The following ADAM10 variants were observed in gnomAD, a reference collection of about 807,000 sequenced individuals.
The protein encoded by ADAM10 is disintegrin and metalloproteinase domain-containing protein 10.
In ADAM10, 17 loss-of-function variants were observed where a neutral mutation model predicts 90.1. That is an observed-to-expected ratio of 0.19 (90% CI 0.13 to 0.28). The LOEUF is 0.28. Among genes scored for constraint, ADAM10 ranks in the 10% least tolerant of loss-of-function variants. ADAM10 has a pLI of 1.00. For synonymous variants in ADAM10, 310 were observed against 298.6 expected (o/e 1.04, Z -0.40); for missense variants, 610 against 914.3 (o/e 0.67, Z 4.29).
At position 58,593,138 on chromosome 15, in the gene ADAM10, C is replaced by T. The variant is rs1894860861; in HGVS notation, c.*4409G>A. The T allele has an allele frequency of 7.7e-6, 1 of 130,498 alleles. No homozygotes were observed. The highest frequency in any genetic ancestry group is 1.6e-5 in the Non-Finnish European group (1 of 63,046). The allele number at this position is 130,498 out of a possible 1,614,324, so 8.1% of individuals were successfully genotyped here. On this transcript the variant is annotated 3_prime_UTR_variant, in exon 16 of 16. Coordinates refer to ENST00000260408, the MANE Select transcript of ADAM10 (RefSeq NM_001110.4). The stretch of plus-strand genomic sequence containing the variant: ...CACATAGAAAAAAAGTAACAAAGGC[C>T]AGGTACTCAAATTTTTTTTTTTTTT...
intron 2 of ADAM10, among the ~76,000 whole-genome samples, chr15:58,695,720 G>A (rs1490171644): frequency 2.0e-5 from 3 of 152,120 alleles, no homozygotes; most frequent in African/African-American, 7.2e-5. Context: ...GCACGGTATT[G>A]GTGGTAATCC....
Position 58,665,107 on chromosome 15 carries a change from TCCTCTACACCA to T in ADAM10, c.564_574del (p.Gly189SerfsTer12), listed in dbSNP as rs1389313150. ...TGTTAAAATCCTTACCTGTGTTACT[TCCTCTACACCA>T]GTCATCTGGTATTTCCTCATTCTTT... is the stretch of plus-strand genomic sequence containing the variant. On this transcript the variant is annotated frameshift_variant, in exon 5 of 16. Coordinates refer to ENST00000260408, the MANE Select transcript of ADAM10 (RefSeq NM_001110.4). LOFTEE classifies it high-confidence loss of function. 2 of 1,610,526 alleles carry T rather than the reference TCCTCTACACCA, an allele frequency of 1.2e-6. No individual in the cohort carries two copies. The highest frequency in any genetic ancestry group is 1.7e-6 in the Non-Finnish European group (2 of 1,176,918).
chr15:58,661,100 T>C (rs1241682406), intron 5 of ADAM10, among the ~76,000 whole-genome samples: 1 of 152,280 alleles, frequency 6.6e-6, no homozygotes, highest in African/African-American at 2.4e-5. Flanking sequence ...CTTCTTTCTC[T>C]TGTCCTTTGC....
chr15:58,599,750 GAAAAA>G, intron 14 of ADAM10, 26 bp from the exon 15 acceptor site: 1 of 1,429,896 alleles, frequency 7.0e-7, no homozygotes, highest in Non-Finnish European at 9.5e-7. Context: ...TTTTTCCACT[GAAAAA>G]AAAAAAACTA....
chr15:58,611,589 G>A, intron 12 of ADAM10: 1 of 530,916 alleles, frequency 1.9e-6, no homozygotes, highest in Non-Finnish European at 3.3e-6. Flanking sequence ...GTACAACTAT[G>A]TTTCTCTAGA....
At chr15:58,741,867 A>C (rs1367717602) in intron 1 of ADAM10, among the ~76,000 whole-genome samples, 1 of 152,214 alleles carries the variant, frequency 6.6e-6, no homozygotes, top group Non-Finnish European at 1.5e-5. Context: ...GGCCTAGAAT[A>C]ATCAGTCCTG....
At chr15:58,642,503 T>C (rs1296510902) in intron 7 of ADAM10, among the ~76,000 whole-genome samples, 2 of 152,080 alleles carry the variant, frequency 1.3e-5, no homozygotes, top group Non-Finnish European at 2.9e-5. Context: ...TTTAATTACC[T>C]ATATTTAAAT....
At chr15:58,711,296 C>T (rs1340155928) in intron 2 of ADAM10, among the ~76,000 whole-genome samples, 2 of 152,110 alleles carry the variant, frequency 1.3e-5, no homozygotes, top group East Asian at 1.9e-4. Flanking sequence ...AATACACAGG[C>T]AGAAAAATAT....
At chr15:58,668,353 T>G (rs1414916927) in intron 4 of ADAM10, among the ~76,000 whole-genome samples, 1 of 152,190 alleles carries the variant, frequency 6.6e-6, no homozygotes, top group Non-Finnish European at 1.5e-5. Flanking sequence ...TAACTTTAAG[T>G]GACCATTATT....
At chr15:58,721,277 A>G (rs1898842986) in intron 1 of ADAM10, among the ~76,000 whole-genome samples, 1 of 152,204 alleles carries the variant, frequency 6.6e-6, no homozygotes, top group African/African-American at 2.4e-5. Context: ...ATTGAGATAG[A>G]ACATGATTCA....
chr15:58,698,785 C>T (rs1898050909), intron 2 of ADAM10, among the ~76,000 whole-genome samples: 1 of 152,024 alleles, frequency 6.6e-6, no homozygotes, highest in African/African-American at 2.4e-5. Flanking sequence ...ACACAGCATA[C>T]ATGACATGTA....
intron 5 of ADAM10, among the ~76,000 whole-genome samples, chr15:58,654,791 T>G (rs1896769577): frequency 6.6e-6 from 1 of 152,234 alleles, no homozygotes; most frequent in African/African-American, 2.4e-5. Context: ...TCCATGTGAT[T>G]GTATAGTTTC....
intron 14 of ADAM10, among the ~76,000 whole-genome samples, chr15:58,603,874 G>A (rs1262005230): frequency 2.8e-5 from 3 of 107,612 alleles, no homozygotes; most frequent in African/African-American, 3.8e-5. Flanking sequence ...GGGGTCCAGG[G>A]TTAAAAAAAA....
In ADAM10 at chr15:58,599,679, G is replaced by C; in HGVS notation, c.2071C>G (p.Leu691Val). ...VLLMGIALIMLMAGFIKICSV... is the reference protein window; with the variant it reads ...VLLMGIALIMVMAGFIKICSV... The stretch of plus-strand genomic sequence containing the variant: ...CATATCTTAATAAATCCAGCCATTA[G>C]CATGATCAGAGCAATTCCCATAAGT... Residue 691 changes from leucine to valine, a missense_variant, in exon 15 of 16, where the codon CTA (leucine) becomes GTA (valine). Coordinates refer to ENST00000260408, the MANE Select transcript of ADAM10 (RefSeq NM_001110.4). 1 of 1,613,110 alleles carries C rather than the reference G, an allele frequency of 6.2e-7. No homozygotes were observed. The highest frequency in any genetic ancestry group is 8.5e-7 in the Non-Finnish European group (1 of 1,179,662).
rs1894838366 is a variant in ADAM10 at position 58,592,154 on chromosome 15, G to A, written c.*5393C>T. The stretch of plus-strand genomic sequence containing the variant: ...ATGAGATGTGACTTTTGGCAGAACT[G>A]CTTCATAGGTGGTATATGTACTTCC... On this transcript the variant is annotated 3_prime_UTR_variant, in exon 16 of 16. Coordinates refer to ENST00000260408, the MANE Select transcript of ADAM10 (RefSeq NM_001110.4). The A allele has an allele frequency of 6.6e-6, 1 of 152,214 alleles. No individual in the cohort carries two copies. Among genetic ancestry groups the A allele is most frequent in the African/African-American group, 2.4e-5 (1 of 41,450 alleles). The allele number at this position is 152,214 out of a possible 1,614,324, so 9.4% of individuals were successfully genotyped here.
At chr15:58,659,563 G>A (rs1353569087) in intron 5 of ADAM10, among the ~76,000 whole-genome samples, 10 of 152,054 alleles carry the variant, frequency 6.6e-5, no homozygotes, top group African/African-American at 2.4e-4. Flanking sequence ...AACTTCATTT[G>A]AGCATAATGT....
At chr15:58,632,523 G>A (rs1896130921) in intron 9 of ADAM10, among the ~76,000 whole-genome samples, 2 of 152,164 alleles carry the variant, frequency 1.3e-5, no homozygotes, top group South Asian at 4.1e-4. Flanking sequence ...AACAAAGACT[G>A]TACAACAGAA....
At chr15:58,647,278 T>TTTTG (rs1896576618) in intron 5 of ADAM10, among the ~76,000 whole-genome samples, 1 of 116,100 alleles carries the variant, frequency 8.6e-6, no homozygotes, top group African/African-American at 3.6e-5. Context: ...TTTTTTTTTT[T>TTTTG]GAGACAGAGT....
intron 10 of ADAM10, among the ~76,000 whole-genome samples, chr15:58,624,200 C>T (rs528832132): frequency 1.6e-4 from 25 of 151,844 alleles, no homozygotes; most frequent in African/African-American, 5.3e-4. Context: ...GCATGAGAAT[C>T]GCTTGAACCT....
Sources: gnomAD v4.1 joint callset for allele counts (sites outside exome capture counted in the v4.1 genomes callset) on GRCh38, gnomAD v4.1.1 for gene constraint, MANE v1.5 for transcripts, NCBI Gene and HGNC (gene_info 2026-07-23, HGNC 2026-07-21) for gene names.